CACNA2D3: variants seen among roughly 807,000 people sequenced by gnomAD.
CACNA2D3 encodes the protein voltage-dependent calcium channel subunit alpha-2/delta-3.
A neutral mutation model predicts 160.6 loss-of-function variants in CACNA2D3; 60 were observed. That is an observed-to-expected ratio of 0.37 (90% CI 0.30 to 0.46). CACNA2D3 has a LOEUF of 0.46. Among genes scored for constraint, CACNA2D3 ranks in the 20% least tolerant of loss-of-function variants. CACNA2D3 has a pLI of 1.00. For missense variants in CACNA2D3, 1,205 were observed against 1,365.0 expected (o/e 0.88, Z 1.85); for synonymous variants, 558 against 492.9 (o/e 1.13, Z -1.75).
chr3:54,799,628 A>G (rs1187956921), intron 13 of CACNA2D3, among the ~76,000 whole-genome samples: 2 of 152,174 alleles, frequency 1.3e-5, no homozygotes, highest in African/African-American at 2.4e-5. Flanking sequence ...GAAGGATTTT[A>G]ATGCTGCCTT....
intron 13 of CACNA2D3, among the ~76,000 whole-genome samples, chr3:54,775,262 A>C (rs1702405675): frequency 6.6e-6 from 1 of 152,150 alleles, no homozygotes; most frequent in African/African-American, 2.4e-5. Flanking sequence ...TAGAATCCGA[A>C]ACCAATCCAC....
intron 5 of CACNA2D3, among the ~76,000 whole-genome samples, chr3:54,554,136 C>T (rs1318499016): frequency 6.6e-6 from 1 of 151,750 alleles, no homozygotes; most frequent in Admixed American, 6.6e-5. Context: ...GGAGCTGGTG[C>T]CATCTCAGCA....
At chr3:55,039,060 T>C (rs1703900275) in intron 35 of CACNA2D3, among the ~76,000 whole-genome samples, 1 of 151,878 alleles carries the variant, frequency 6.6e-6, no homozygotes, top group Admixed American at 6.6e-5. Flanking sequence ...CCTGCAACTT[T>C]AGTTACAAGA....
chr3:54,217,142 G>C (rs1372750530), intron 2 of CACNA2D3, among the ~76,000 whole-genome samples: 1 of 152,202 alleles, frequency 6.6e-6, no homozygotes, highest in Non-Finnish European at 1.5e-5. Flanking sequence ...GAGGGCTGCA[G>C]ATGGGGCCTG....
chr3:54,633,551 C>T (rs374230881), intron 10 of CACNA2D3: 1 of 152,234 alleles, frequency 6.6e-6, no homozygotes, highest in African/African-American at 2.4e-5. Flanking sequence ...GTACATGCTT[C>T]TTCCCACCTC....
chr3:54,780,943 A>G (rs953769115), intron 13 of CACNA2D3, among the ~76,000 whole-genome samples: 1 of 152,230 alleles, frequency 6.6e-6, no homozygotes, highest in African/African-American at 2.4e-5. Flanking sequence ...TCACTGTATG[A>G]CAATACGTAT....
In CACNA2D3 at chr3:54,473,348, G is replaced by C. The variant is rs150407396; in HGVS notation, c.382-30144G>C. On this transcript the variant is annotated intron_variant, in intron 4 of 37. Coordinates refer to ENST00000474759, the MANE Select transcript of CACNA2D3 (RefSeq NM_018398.3). ...CAGCCATATGCAGAAAACTGAAACT[G>C]GATCCCTTCCTTACACCTTATAAAA... Among the ~76,000 whole-genome samples, 30 of 152,208 alleles carry C rather than the reference G, an allele frequency of 2.0e-4. No individual in the cohort carries two copies. The East Asian group carries it at 5.8e-3, about 29-fold the overall frequency.
At chr3:54,625,694 T>C (rs1367826921) in intron 9 of CACNA2D3, among the ~76,000 whole-genome samples, 1 of 152,142 alleles carries the variant, frequency 6.6e-6, no homozygotes, top group East Asian at 1.9e-4. Context: ...GTTTTTACCA[T>C]GAAGAACCCA....
intron 2 of CACNA2D3, among the ~76,000 whole-genome samples, chr3:54,266,542 G>T (rs954321738): frequency 2.0e-5 from 3 of 152,154 alleles, no homozygotes; most frequent in Admixed American, 1.3e-4. Context: ...AGGAACGCAA[G>T]CCCTGACCTG....
intron 4 of CACNA2D3, among the ~76,000 whole-genome samples, chr3:54,494,836 G>T (rs1423644570): frequency 6.6e-6 from 1 of 151,916 alleles, no homozygotes. Context: ...GAGAGAGAGG[G>T]AGAGAGAGAG....
rs1195385808 is a variant in CACNA2D3, at chr3:54,515,161, C to CGTGT, written c.544+11516_544+11519dup. On this transcript the variant is annotated intron_variant, in intron 5 of 37. Transcript: ENST00000474759. ...GCAGAAGAAAATGCATAGTAAAATC[C>CGTGT]GTGTGTGTGTGTCTGTGTGTGTGTG... 6.9e-4 allele frequency among the ~76,000 whole-genome samples: 92 copies of CGTGT among 133,354 alleles called. 2 individuals carry two copies. The highest frequency in any genetic ancestry group is 1.1e-3 in the Non-Finnish European group (66 of 61,926). 87.5% of individuals were successfully genotyped at this position (133,354 alleles called of 152,430 possible). A position where few individuals can be genotyped will look rare whatever the true frequency, so the allele number is the denominator to read the frequency against.
chr3:54,650,938 C>G (rs1254477692), intron 11 of CACNA2D3, among the ~76,000 whole-genome samples: 1 of 152,192 alleles, frequency 6.6e-6, no homozygotes, highest in African/African-American at 2.4e-5. Context: ...TCACAGAAAC[C>G]TCATGAGAAG....
chr3:54,842,305 G>C lies in CACNA2D3; in HGVS notation c.1551+3657G>C, dbSNP rs76477700. 3.7e-3 allele frequency among the ~76,000 whole-genome samples: 564 copies of C among 152,330 alleles called. 4 individuals are homozygous for C. The highest frequency in any genetic ancestry group is 0.012 in the African/African-American group (494 of 41,572). On this transcript the variant is annotated intron_variant, in intron 16 of 37. Transcript: ENST00000474759. ...TCAGGTACAGGCTTAAGAAGGACTG[G>C]CTGTGCATCTCCTGGAGCAAATTGG...
At chr3:54,305,434 G>T (rs1423452440) in intron 2 of CACNA2D3, among the ~76,000 whole-genome samples, 1 of 152,208 alleles carries the variant, frequency 6.6e-6, no homozygotes, top group Non-Finnish European at 1.5e-5. Flanking sequence ...AGAAACTCAT[G>T]CACTATAATT....
chr3:54,801,874 C>T (rs1280765970), intron 13 of CACNA2D3, among the ~76,000 whole-genome samples: 1 of 152,068 alleles, frequency 6.6e-6, no homozygotes, highest in Non-Finnish European at 1.5e-5. Flanking sequence ...TTATGTATGT[C>T]CTGGTAAGAT....
At chr3:54,158,889 C>G (rs925342425) in intron 2 of CACNA2D3, among the ~76,000 whole-genome samples, 1 of 152,186 alleles carries the variant, frequency 6.6e-6, no homozygotes, top group Admixed American at 6.5e-5. Flanking sequence ...CACATGAAAT[C>G]GAACTCCCTG....
At chr3:54,460,702 A>G (rs1402000509) in intron 4 of CACNA2D3, among the ~76,000 whole-genome samples, 1 of 152,174 alleles carries the variant, frequency 6.6e-6, no homozygotes, top group Non-Finnish European at 1.5e-5. Flanking sequence ...TTCTAGATAT[A>G]CAATCATGTC....
At chr3:54,836,927 G>C (rs1698703542) in intron 14 of CACNA2D3, among the ~76,000 whole-genome samples, 1 of 152,234 alleles carries the variant, frequency 6.6e-6, no homozygotes, top group Admixed American at 6.5e-5. Flanking sequence ...GCAGAGAACA[G>C]ATCTGCTAGA....
At chr3:55,044,459 T>G (rs1311352955) in intron 35 of CACNA2D3, among the ~76,000 whole-genome samples, 2 of 152,182 alleles carry the variant, frequency 1.3e-5, no homozygotes, top group African/African-American at 4.8e-5. Flanking sequence ...TCTGAACTTT[T>G]CTAAACTAAC....
Sources: allele counts gnomAD v4.1 joint callset (sites outside exome capture counted in the v4.1 genomes callset), GRCh38; gene constraint gnomAD v4.1.1; transcripts MANE v1.5; gene names NCBI Gene and HGNC (gene_info 2026-07-23, HGNC 2026-07-21).